Variants in RPH3A observed in about 807,000 individuals in gnomAD.
RPH3A encodes the protein rabphilin-3A.
RPH3A carries 48 observed loss-of-function variants against 102.2 expected under a neutral mutation model. The ratio of observed to expected loss-of-function variants is 0.47; its 90% CI spans 0.37 to 0.60. The LOEUF is 0.60. Among genes scored for constraint, RPH3A ranks in the 20% least tolerant of loss-of-function variants. The pLI is 0.00. For synonymous variants in RPH3A, 310 were observed against 324.3 expected (o/e 0.96, Z 0.47); for missense variants, 781 against 910.1 (o/e 0.86, Z 1.83).
chr12:112,834,391 C>G (rs981875703), intron 3 of RPH3A, among the ~76,000 whole-genome samples: 1 of 152,290 alleles, frequency 6.6e-6, no homozygotes, highest in Admixed American at 6.5e-5. Context: ...GTTGATGGAC[C>G]ATGGGTTTGG....
rs372244198 is a variant in RPH3A at position 112,738,306 on chromosome 12, C to T, written c.-139-53837C>T. ...CTCCTAGGCCCAAGAGATCCTCCCA[C>T]CTCAGCCTCCCGAGTAGCTGGGACT... On this transcript the variant is annotated intron_variant, in intron 1 of 21. Transcript: ENST00000543106. Among the ~76,000 whole-genome samples, 3 of 152,242 alleles carry T rather than the reference C, an allele frequency of 2.0e-5. No individual in the cohort carries two copies. The East Asian group carries it at 5.8e-4, about 29-fold the overall frequency.
At chr12:112,575,722 C>T (rs57500232) in intron 1 of RPH3A, among the ~76,000 whole-genome samples, 21,940 of 151,920 alleles carry the variant, frequency 0.14, 1,957 homozygotes, top group South Asian at 0.36. Context: ...CGGCTGGGAC[C>T]CCGCATCAGG....
chr12:112,778,572 C>T (rs995604820), intron 1 of RPH3A, among the ~76,000 whole-genome samples: 4 of 152,068 alleles, frequency 2.6e-5, no homozygotes, highest in Admixed American at 6.5e-5. Context: ...GGCAGGGGAA[C>T]GTTTTGTTTT....
intron 1 of RPH3A, among the ~76,000 whole-genome samples, chr12:112,756,304 C>T (rs1269640223): frequency 6.6e-6 from 1 of 152,110 alleles, no homozygotes; most frequent in African/African-American, 2.4e-5. Flanking sequence ...CCTCCGCCTC[C>T]CTGGTTCAAA....
rs547988576 is a variant in RPH3A at position 112,737,718 on chromosome 12, AG to A, written c.-139-54423del. Among the ~76,000 whole-genome samples the A allele has an allele frequency of 7.7e-4, 118 of 152,280 alleles. 1 individual carries two copies. The highest frequency in any genetic ancestry group is 2.7e-3 in the African/African-American group (112 of 41,566). The stretch of plus-strand genomic sequence containing the variant: ...GGGATCACCATTAAGTACTGGGGGA[AG>A]GTGCATAGACCCAGGGTTAAGGACG... On this transcript the variant is annotated intron_variant, in intron 1 of 21. Coordinates refer to the RPH3A transcript ENST00000543106.
At chr12:112,592,846 G>C (rs1435324874) in intron 1 of RPH3A, among the ~76,000 whole-genome samples, 1 of 152,160 alleles carries the variant, frequency 6.6e-6, no homozygotes, top group East Asian at 1.9e-4. Flanking sequence ...CTGTCAATGG[G>C]CTATGAGCAG....
chr12:112,851,219 G>A (rs11612626), intron 5 of RPH3A, among the ~76,000 whole-genome samples: 46,581 of 152,000 alleles, frequency 0.31, 8,027 homozygotes, highest in East Asian at 0.5. Flanking sequence ...CATTTTGCAG[G>A]TGAGGAAACC....
chr12:112,716,651 C>T (rs2040515044), intron 1 of RPH3A, among the ~76,000 whole-genome samples: 1 of 152,186 alleles, frequency 6.6e-6, no homozygotes, highest in South Asian at 2.1e-4. Flanking sequence ...TTGGCCACAC[C>T]AAGTCACATG....
intron 1 of RPH3A, among the ~76,000 whole-genome samples, chr12:112,673,521 G>C (rs1331958480): frequency 6.6e-6 from 1 of 150,684 alleles, no homozygotes; most frequent in South Asian, 2.1e-4. Context: ...TGTAGAGATG[G>C]GTTCTTTTTT....
chr12:112,585,444 A>G (rs1310445445), intron 1 of RPH3A, among the ~76,000 whole-genome samples: 2 of 152,180 alleles, frequency 1.3e-5, no homozygotes, highest in Non-Finnish European at 2.9e-5. Context: ...CCGTTTCTTG[A>G]AAAGGTTACG....
At chr12:112,714,209 T>C (rs562294760) in intron 1 of RPH3A, among the ~76,000 whole-genome samples, 2 of 152,188 alleles carry the variant, frequency 1.3e-5, no homozygotes, top group African/African-American at 4.8e-5. Flanking sequence ...GGAACAGCCA[T>C]CCTTTAGGAG....
At chr12:112,671,926 A>C (rs149588071) in intron 1 of RPH3A, among the ~76,000 whole-genome samples, 1 of 151,776 alleles carries the variant, frequency 6.6e-6, no homozygotes, top group East Asian at 1.9e-4. Flanking sequence ...ACATACATAC[A>C]TATATATGTA....
intron 1 of RPH3A, among the ~76,000 whole-genome samples, chr12:112,635,200 G>C (rs1476149149): frequency 6.6e-6 from 1 of 152,198 alleles, no homozygotes; most frequent in Non-Finnish European, 1.5e-5. Flanking sequence ...ATGTAACCAA[G>C]TGGGTGTGGC....
intron 1 of RPH3A, among the ~76,000 whole-genome samples, chr12:112,682,353 TTC>T (rs1320262700): frequency 0.043 from 2,797 of 64,964 alleles, 103 homozygotes; most frequent in African/African-American, 0.14. Flanking sequence ...TTTTCTTTCT[TTC>T]TTTTTTTTTT....
chr12:112,670,221 C>T (rs896611176), intron 1 of RPH3A, among the ~76,000 whole-genome samples: 3 of 152,146 alleles, frequency 2.0e-5, no homozygotes, highest in Admixed American at 6.6e-5. Flanking sequence ...CTCGCCTTGT[C>T]GCCCAGGCTG....
chr12:112,746,101 C>A (rs1431059850), intron 1 of RPH3A, among the ~76,000 whole-genome samples: 1 of 152,114 alleles, frequency 6.6e-6, no homozygotes, highest in Non-Finnish European at 1.5e-5. Flanking sequence ...TGTTTCACAT[C>A]TTTTTTCTTT....
intron 1 of RPH3A, among the ~76,000 whole-genome samples, chr12:112,588,511 G>A (rs1354326941): frequency 4.6e-5 from 7 of 152,156 alleles, no homozygotes; most frequent in African/African-American, 1.7e-4. Context: ...TATCTCCCAC[G>A]GGGTCCCTCC....
chr12:112,860,749 A>G (rs937840173), intron 5 of RPH3A, among the ~76,000 whole-genome samples: 1 of 152,192 alleles, frequency 6.6e-6, no homozygotes, highest in Non-Finnish European at 1.5e-5. Flanking sequence ...GACCCAGGCA[A>G]GCGGCCCACT....
intron 1 of RPH3A, among the ~76,000 whole-genome samples, chr12:112,647,956 A>G (rs1197960437): frequency 6.6e-6 from 1 of 152,250 alleles, no homozygotes; most frequent in East Asian, 1.9e-4. Flanking sequence ...GTCTTAGAAT[A>G]TAAGACTCAT....
Sources: allele counts gnomAD v4.1 joint callset (sites outside exome capture counted in the v4.1 genomes callset), GRCh38; gene constraint gnomAD v4.1.1; transcripts MANE v1.5; gene names NCBI Gene and HGNC (gene_info 2026-07-23, HGNC 2026-07-21).